ERICH3: variants seen among roughly 807,000 people sequenced by gnomAD.
The protein encoded by ERICH3 is glutamate rich 3.
A neutral mutation model predicts 131.1 loss-of-function variants in ERICH3; 126 were observed. The ratio of observed to expected loss-of-function variants is 0.96; its 90% CI spans 0.83 to 1.11. ERICH3 has a LOEUF of 1.11. Ranked by LOEUF, ERICH3 falls within the 50% of genes most tolerant of loss-of-function variation. The pLI, the probability that ERICH3 is intolerant of heterozygous loss-of-function variation, is 0.00. For missense variants in ERICH3, 2,050 were observed against 1,810.7 expected, an observed-to-expected ratio of 1.13 and a Z score of -2.40; for synonymous variants, 695 against 644.6, an observed-to-expected ratio of 1.08 and a Z score of -1.18.
chr1:74,574,798 A>G (rs528310974), intron 13 of ERICH3, among the ~76,000 whole-genome samples: 1 of 152,338 alleles, frequency 6.6e-6, no homozygotes, highest in African/African-American at 2.4e-5. Context: ...AAATAAGTAA[A>G]GAAAGGCATG....
chr1:74,572,984 G>T lies in ERICH3; in HGVS notation c.2726C>A (p.Ala909Glu). 6.2e-7 allele frequency: 1 copy of T among 1,614,124 alleles called. No individual in the cohort carries two copies. The highest frequency in any genetic ancestry group is 8.5e-7 in the Non-Finnish European group (1 of 1,180,026). ...ATGAAGATGCTCCAAGTTCAGGGCT[G>T]CTGCTTCATTTGCAAGCACTGCCTT... is the stretch of plus-strand genomic sequence containing the variant. ...LEKAVLANEA[A>E]ALNLEHLHEV... The change falls in exon 14 of 15, where the codon GCA becomes GAA. Residue 909 changes from alanine (A) to glutamate (E), a missense_variant. By Grantham distance (107) the Ala-to-Glu change is moderately radical (BLOSUM62 -1). Coordinates refer to ENST00000326665, the MANE Select transcript of ERICH3 (RefSeq NM_001002912.5).
chr1:74,623,839 C>T (rs1649319432), intron 7 of ERICH3: 1 of 152,182 alleles, frequency 6.6e-6, no homozygotes, highest in African/African-American at 2.4e-5. Context: ...TACTATCTCC[C>T]AGTGATTGCA....
intron 11 of ERICH3, among the ~76,000 whole-genome samples, chr1:74,596,559 A>G (rs996415693): frequency 3.9e-5 from 6 of 152,054 alleles, no homozygotes; most frequent in Admixed American, 3.9e-4. Context: ...ACTGTGTAGT[A>G]AAATACTAGA....
rs889614844 is a variant in ERICH3 at position 74,599,726 on chromosome 1, G to A, written c.1695C>T (p.Cys565=). 4 of 1,611,756 alleles carry A rather than the reference G, an allele frequency of 2.5e-6. No individual in the cohort carries two copies. Among genetic ancestry groups the A allele is most frequent in the Non-Finnish European group, 3.4e-6 (4 of 1,178,734 alleles). The change falls in exon 11 of 15, where the codon TGC becomes TGT. Residue 565 remains cysteine (C), a synonymous_variant. Coordinates refer to ENST00000326665, the MANE Select transcript of ERICH3 (RefSeq NM_001002912.5). ...TATCCTCTTCCAGTTCACTCTCAGA[G>A]CATCCATCATTCTCATCTTTCACAT... ...RDNVKDENDG[C]SESELEEDKQ... is the part of the protein sequence containing the mutation.
chr1:74,636,352 A>G lies in ERICH3; in HGVS notation c.531T>C (p.Thr177=), dbSNP rs1646389092. Residue 177 remains threonine (T), a synonymous_variant, in exon 6 of 15, where the codon ACT becomes ACC. Coordinates refer to ENST00000326665, the MANE Select transcript of ERICH3 (RefSeq NM_001002912.5). ...TGGACCTTGAAGTTACCTTTGGAAC[A>G]GTTTCTACTGCAGGATTACTGGGAA... The part of the protein sequence containing the change: ...QPLPSNPAVE[T]VPKVTSRSRS... The G allele has an allele frequency of 1.2e-6, 2 of 1,613,214 alleles. No individual in the cohort carries two copies. The highest frequency in any genetic ancestry group is 1.7e-6 in the Non-Finnish European group (2 of 1,179,472).
chr1:74,574,162 T>C (rs982397491), intron 13 of ERICH3, among the ~76,000 whole-genome samples: 1 of 151,934 alleles, frequency 6.6e-6, no homozygotes, highest in Non-Finnish European at 1.5e-5. Context: ...GGCTAATTTT[T>C]TTGTTTTGTT....
rs747356978 is a variant in ERICH3 at position 74,641,427 on chromosome 1, G to GTT, written c.346_347dup (p.Asn116LysfsTer32). On this transcript the variant is annotated frameshift_variant, in exon 5 of 15. Coordinates refer to ENST00000326665, the MANE Select transcript of ERICH3 (RefSeq NM_001002912.5). LOFTEE classifies it high-confidence loss of function. ...GTGGGTGGGGAGACAGGATTGGCATGTTATTTTCAACAGACCTTCTTGTGT... is the reference window on the plus strand; with the variant it reads ...GTGGGTGGGGAGACAGGATTGGCATGTTTTATTTTCAACAGACCTTCTTGTGT... 1.9e-6 allele frequency: 3 copies of GTT among 1,610,734 alleles called. No individual in the cohort carries two copies. The highest frequency in any genetic ancestry group is 1.7e-6 in the Non-Finnish European group (2 of 1,178,948).
At chr1:74,592,265 C>T (rs963353549) in intron 11 of ERICH3, 2 of 152,112 alleles carry the variant, frequency 1.3e-5, no homozygotes, top group African/African-American at 4.8e-5. Flanking sequence ...CTTTATTCTC[C>T]ATTTTATAAA....
Position 74,573,383 on chromosome 1 carries a change from T to TC in ERICH3, c.2326dup (p.Glu776GlyfsTer4). The TC allele has an allele frequency of 6.2e-7, 1 of 1,608,486 alleles. No individual in the cohort carries two copies. Among genetic ancestry groups the TC allele is most frequent in the East Asian group, 2.2e-5 (1 of 44,626 alleles). Reference sequence around the variant, plus strand: ...TCTGTGCTGGGGCGCTTCATCTTCCTCCATTGCTTCTTTCTTCTCCAGTGT... The same window carrying TC: ...TCTGTGCTGGGGCGCTTCATCTTCCTCCCATTGCTTCTTTCTTCTCCAGTGT... On this transcript the variant is annotated frameshift_variant, in exon 14 of 15. Coordinates refer to ENST00000326665, the MANE Select transcript of ERICH3 (RefSeq NM_001002912.5). LOFTEE classifies it high-confidence loss of function.
intron 11 of ERICH3, among the ~76,000 whole-genome samples, chr1:74,598,974 G>A (rs1232448908): frequency 6.6e-6 from 1 of 151,796 alleles, no homozygotes; most frequent in Non-Finnish European, 1.5e-5. Context: ...GCAATAATAA[G>A]TTATTCATAC....
intron 13 of ERICH3, among the ~76,000 whole-genome samples, chr1:74,576,593 T>A (rs1647059074): frequency 6.6e-6 from 1 of 152,130 alleles, no homozygotes; most frequent in Non-Finnish European, 1.5e-5. Context: ...TCTGCCATGA[T>A]CCATAAAACT....
intron 11 of ERICH3, chr1:74,592,345 A>T (rs1487720564): frequency 6.6e-6 from 1 of 152,180 alleles, no homozygotes; most frequent in East Asian, 1.9e-4. Flanking sequence ...TCTTATTTGT[A>T]TCCGTTCAGA....
intron 12 of ERICH3, among the ~76,000 whole-genome samples, chr1:74,586,027 T>C (rs909774231): frequency 2.6e-5 from 4 of 152,268 alleles, no homozygotes; most frequent in South Asian, 2.1e-4. Flanking sequence ...TAATGTCTTA[T>C]GCTTTATATT....
At chr1:74,597,122 G>C (rs1037343394) in intron 11 of ERICH3, among the ~76,000 whole-genome samples, 1 of 152,054 alleles carries the variant, frequency 6.6e-6, no homozygotes, top group Non-Finnish European at 1.5e-5. Flanking sequence ...ATGAAATGCT[G>C]TCTGGCTTTT....
intron 12 of ERICH3, among the ~76,000 whole-genome samples, chr1:74,581,765 G>T (rs1647186817): frequency 6.6e-6 from 1 of 152,086 alleles, no homozygotes. Context: ...ATATACAAAT[G>T]AGCGTTATTC....
At chr1:74,575,883 G>A (rs956477846) in intron 13 of ERICH3, among the ~76,000 whole-genome samples, 1 of 152,202 alleles carries the variant, frequency 6.6e-6, no homozygotes, top group Non-Finnish European at 1.5e-5. Context: ...GGGAGAAAGA[G>A]TAATTGAAGC....
chr1:74,577,118 G>C, intron 12 of ERICH3, 182 bp from the exon 13 acceptor site: 1 of 529,564 alleles, frequency 1.9e-6, no homozygotes. Context: ...ATAATCTAAT[G>C]TTCTTTTATT....
chr1:74,634,828 A>T, intron 6 of ERICH3: 1 of 595,102 alleles, frequency 1.7e-6, no homozygotes, highest in Middle Eastern at 2.7e-4. Flanking sequence ...TGGCTAGCCC[A>T]TTCCCAAGAT....
chr1:74,641,217 G>A, intron 5 of ERICH3, 114 bp downstream of exon 5: 2 of 1,204,550 alleles, frequency 1.7e-6, no homozygotes, highest in South Asian at 2.9e-5. Context: ...TTTTCATTCA[G>A]TAGGACTGGC....
Sources: allele counts gnomAD v4.1 joint callset (sites outside exome capture counted in the v4.1 genomes callset), GRCh38; gene constraint gnomAD v4.1.1; transcripts MANE v1.5; gene names NCBI Gene and HGNC (gene_info 2026-07-23, HGNC 2026-07-21).